COL5A1: variants seen among roughly 807,000 people sequenced by gnomAD.
COL5A1 encodes the protein collagen type V alpha 1 chain.
COL5A1 carries 16 observed loss-of-function variants against 263.7 expected under a neutral mutation model. That is an observed-to-expected ratio of 0.06 (90% CI 0.04 to 0.09). COL5A1 has a LOEUF of 0.09. COL5A1 is among the 10% of genes least tolerant of loss of function. The pLI is 1.00. For missense variants in COL5A1, 2,036 were observed against 2,540.5 expected, an observed-to-expected ratio of 0.80 and a Z score of 4.27; for synonymous variants, 1,012 against 1,004.5, an observed-to-expected ratio of 1.01 and a Z score of -0.14.
chr9:134,760,359 A>T (rs111163075), intron 18 of COL5A1, among the ~76,000 whole-genome samples: 1 of 75,280 alleles, frequency 1.3e-5, no homozygotes, highest in African/African-American at 6.5e-5. Flanking sequence ...ACACCCCCAC[A>T]CATACACACA....
intron 11 of COL5A1, among the ~76,000 whole-genome samples, chr9:134,749,045 T>C (rs939260489): frequency 6.6e-6 from 1 of 152,224 alleles, no homozygotes; most frequent in Non-Finnish European, 1.5e-5. Flanking sequence ...AAGACCAGCC[T>C]GGCCAAGGTG....
chr9:134,747,697 G>A (rs534269026), intron 11 of COL5A1, among the ~76,000 whole-genome samples: 15 of 128,588 alleles, frequency 1.2e-4, no homozygotes, highest in East Asian at 9.6e-4. Context: ...GCAAACACAT[G>A]CACACATGCA....
intron 18 of COL5A1, among the ~76,000 whole-genome samples, chr9:134,759,756 CACA>C (rs1211477599): frequency 1.7e-5 from 2 of 116,810 alleles, no homozygotes; most frequent in African/African-American, 7.0e-5. Flanking sequence ...CACATGCACA[CACA>C]CCCACGCACC....
intron 25 of COL5A1, among the ~76,000 whole-genome samples, chr9:134,772,473 C>T (rs947065905): frequency 6.6e-6 from 1 of 152,224 alleles, no homozygotes; most frequent in African/African-American, 2.4e-5. Flanking sequence ...CAGGAGCCAC[C>T]GTGCAGGTCA....
At chr9:134,756,400 C>T (rs1205116147) in intron 16 of COL5A1, among the ~76,000 whole-genome samples, 2 of 152,222 alleles carry the variant, frequency 1.3e-5, no homozygotes, top group Non-Finnish European at 1.5e-5. Context: ...GGCCTGCACT[C>T]GCCTGAGTCC....
At chr9:134,740,265 G>T (rs1050163920) in intron 11 of COL5A1, among the ~76,000 whole-genome samples, 1 of 152,066 alleles carries the variant, frequency 6.6e-6, no homozygotes, top group Non-Finnish European at 1.5e-5. Context: ...GCGAGTGGCC[G>T]CTGCTCTTAC....
At chr9:134,756,724 G>A (rs754635286) in intron 16 of COL5A1, 41 bp from the exon 17 acceptor site, 19 of 1,604,954 alleles carry the variant, frequency 1.2e-5, no homozygotes, top group East Asian at 4.5e-5. Context: ...TCAGTGAACC[G>A]GGGCTCTTTT....
intron 65 of COL5A1, among the ~76,000 whole-genome samples, chr9:134,835,775 C>A (rs1839831782): frequency 6.6e-6 from 1 of 152,210 alleles, no homozygotes. Flanking sequence ...GGTATTGGCG[C>A]TCATACCCAT....
At chr9:134,831,200 C>G (rs1839606997) in intron 64 of COL5A1, among the ~76,000 whole-genome samples, 1 of 152,236 alleles carries the variant, frequency 6.6e-6, no homozygotes, top group Non-Finnish European at 1.5e-5. Context: ...CGCCTTTGCC[C>G]TGTCTGCACC....
At chr9:134,760,853 C>G (rs1473962328) in intron 18 of COL5A1, among the ~76,000 whole-genome samples, 1 of 147,620 alleles carries the variant, frequency 6.8e-6, no homozygotes, top group Admixed American at 6.7e-5. Context: ...TACACACATG[C>G]ACACCACCCA....
In COL5A1 at chr9:134,759,579, C is replaced by A. The variant is rs533770730; in HGVS notation, c.1935+1283C>A. Among the ~76,000 whole-genome samples, 12 of 139,112 alleles carry A rather than the reference C, an allele frequency of 8.6e-5. 3 individuals carry two copies. The highest frequency in any genetic ancestry group is 3.4e-4 in the African/African-American group (12 of 35,518). The allele number at this position is 139,112 out of a possible 152,430, so 91.3% of individuals were successfully genotyped here. A position where few individuals can be genotyped will look rare whatever the true frequency, so the allele number is the denominator to read the frequency against. ...CATACACACATGCACACACCACACA[C>A]CCCCACACATGCATACACCCCCACA... On this transcript the variant is annotated intron_variant, in intron 18 of 65. Transcript: ENST00000371817.
In COL5A1 at chr9:134,797,486, C is replaced by T. The variant is rs917474733; in HGVS notation, c.2898+585C>T. ...TGTCTCTCTGTCTTCTAATCTCTTT[C>T]TTTTTTTGTTTTTTGAGACAGAGTC... On this transcript the variant is annotated intron_variant, in intron 36 of 65. Coordinates refer to ENST00000371817, the MANE Select transcript of COL5A1 (RefSeq NM_000093.5). Among the ~76,000 whole-genome samples the T allele has an allele frequency of 4.2e-3, 636 of 151,966 alleles. 4 individuals carry two copies. Among genetic ancestry groups the T allele is most frequent in the African/African-American group, 0.015 (606 of 41,432 alleles).
intron 48 of COL5A1, 48 bp downstream of exon 48, chr9:134,812,760 GTGTGTGTGTGTGTC>G (rs753347300): frequency 1.9e-4 from 189 of 993,460 alleles, no homozygotes; most frequent in East Asian, 7.5e-4. Context: ...TGTTTGAGGA[GTGTGTGTGTGTGTC>G]TGTGTGTGTG....
chr9:134,735,533 C>T (rs1331254300), intron 9 of COL5A1, among the ~76,000 whole-genome samples: 5 of 152,234 alleles, frequency 3.3e-5, no homozygotes, highest in Non-Finnish European at 7.3e-5. Context: ...TCCCCACCCT[C>T]AGGCGCATTC....
At chr9:134,751,913 G>A (rs1278605035) in intron 13 of COL5A1, among the ~76,000 whole-genome samples, 2 of 152,220 alleles carry the variant, frequency 1.3e-5, no homozygotes, top group African/African-American at 4.8e-5. Context: ...TGCCTGGCTG[G>A]CCTTTTATCT....
intron 4 of COL5A1, among the ~76,000 whole-genome samples, chr9:134,725,047 C>T (rs908969443): frequency 2.0e-5 from 3 of 152,202 alleles, no homozygotes; most frequent in Non-Finnish European, 2.9e-5. Flanking sequence ...AGACCCAGAG[C>T]ACTCAGCACC....
intron 4 of COL5A1, among the ~76,000 whole-genome samples, chr9:134,710,149 TG>T (rs1833972717): frequency 6.6e-6 from 1 of 152,014 alleles, no homozygotes; most frequent in Non-Finnish European, 1.5e-5. Flanking sequence ...AGCTGGAAAG[TG>T]GGGATGTTAG....
intron 4 of COL5A1, among the ~76,000 whole-genome samples, chr9:134,722,558 A>C (rs1439956348): frequency 6.6e-6 from 1 of 152,218 alleles, no homozygotes; most frequent in Non-Finnish European, 1.5e-5. Flanking sequence ...CCAGGGGTGC[A>C]TCAGGGCCCA....
At chr9:134,806,513 C>A (rs1405157953) in intron 42 of COL5A1, among the ~76,000 whole-genome samples, 1 of 152,184 alleles carries the variant, frequency 6.6e-6, no homozygotes, top group East Asian at 1.9e-4. Flanking sequence ...CGGCCACATT[C>A]TTTCCGCCAT....
Sources: gnomAD v4.1 joint callset for allele counts (sites outside exome capture counted in the v4.1 genomes callset) on GRCh38, gnomAD v4.1.1 for gene constraint, MANE v1.5 for transcripts, NCBI Gene and HGNC (gene_info 2026-07-23, HGNC 2026-07-21) for gene names.